Variants in SLK observed in about 807,000 individuals in gnomAD.
SLK encodes the protein STE20 like kinase, also known as STE20-like serine/threonine-protein kinase.
A neutral mutation model predicts 147.7 loss-of-function variants in SLK; 67 were observed. The ratio of observed to expected loss-of-function variants is 0.45; its 90% CI spans 0.37 to 0.56. The LOEUF (loss-of-function observed/expected upper bound fraction) is 0.56. Among genes scored for constraint, SLK ranks in the 20% least tolerant of loss-of-function variants. The pLI is 0.00. For missense variants in SLK, 1,136 were observed against 1,438.8 expected, an observed-to-expected ratio of 0.79 and a Z score of 3.41; for synonymous variants, 441 against 475.0, an observed-to-expected ratio of 0.93 and a Z score of 0.93.
intron 18 of SLK, among the ~76,000 whole-genome samples, chr10:104,023,694 A>T (rs7910387): frequency 0.023 from 3,529 of 152,224 alleles, 78 homozygotes; most frequent in South Asian, 0.11. Context: ...CCTATACTGA[A>T]CCCCAAACAT....
At chr10:104,006,125 G>C in intron 11 of SLK, 90 bp downstream of exon 11, 4 of 1,334,418 alleles carry the variant, frequency 3.0e-6, no homozygotes, top group Admixed American at 2.5e-5. Flanking sequence ...AAAGGTTGTA[G>C]AACTTGTTCT....
At chr10:103,969,938 T>G (rs1355515558) in intron 1 of SLK, among the ~76,000 whole-genome samples, 1 of 152,204 alleles carries the variant, frequency 6.6e-6, no homozygotes, top group Non-Finnish European at 1.5e-5. Context: ...GGTAGGTGAT[T>G]ATGGGCAGTT....
intron 1 of SLK, among the ~76,000 whole-genome samples, chr10:103,981,499 G>C (rs1843941603): frequency 6.6e-6 from 1 of 151,818 alleles, no homozygotes. Context: ...GTTTTTCTTT[G>C]GTCCATTTTG....
intron 1 of SLK, among the ~76,000 whole-genome samples, chr10:103,980,690 T>C (rs1296048215): frequency 1.3e-5 from 2 of 152,180 alleles, no homozygotes; most frequent in African/African-American, 2.4e-5. Flanking sequence ...CTGAATAATA[T>C]TTGTGGTATG....
chr10:103,992,602 T>C lies in SLK; in HGVS notation c.320T>C (p.Leu107Pro), dbSNP rs1442061362. 8.0e-7 allele frequency: 1 copy of C among 1,246,318 alleles called. No homozygotes were observed. 77.2% of individuals were successfully genotyped at this position (1,246,318 alleles called of 1,614,324 possible). ...TTTTTTTTTTTTTGCATGCAGATCC[T>C]CATTGAATTTTGTGCAGGTGGAGCA... ...AFYYENNLWILIEFCAGGAVD... is the reference protein window; with the variant it reads ...AFYYENNLWIPIEFCAGGAVD... Residue 107 changes from leucine (L) to proline (P), a missense_variant, in exon 3 of 19, where the codon CTC becomes CCC. Leu to Pro is a moderately conservative substitution (Grantham distance 98). Transcript: ENST00000369755.
chr10:103,968,154 A>G (rs1191228081), intron 1 of SLK, among the ~76,000 whole-genome samples: 1 of 152,220 alleles, frequency 6.6e-6, no homozygotes, highest in Non-Finnish European at 1.5e-5. Flanking sequence ...TCAAACTTCA[A>G]AGGAAATGAG....
At chr10:104,006,348 G>C (rs1381967330) in intron 11 of SLK, among the ~76,000 whole-genome samples, 1 of 152,166 alleles carries the variant, frequency 6.6e-6, no homozygotes, top group Non-Finnish European at 1.5e-5. Context: ...CTATTGCTGG[G>C]TAATTTTTCA....
chr10:103,979,356 C>T (rs1453960372), intron 1 of SLK, among the ~76,000 whole-genome samples: 1 of 152,104 alleles, frequency 6.6e-6, no homozygotes, highest in Non-Finnish European at 1.5e-5. Flanking sequence ...GTTTTATTTC[C>T]AGTTGGTATG....
intron 18 of SLK, among the ~76,000 whole-genome samples, chr10:104,023,742 C>T (rs1589549364): frequency 6.6e-6 from 1 of 152,128 alleles, no homozygotes; most frequent in Admixed American, 6.6e-5. Context: ...TTCTTTGTAA[C>T]AATTCATCAC....
At chr10:104,013,995 T>G (rs886309575) in intron 13 of SLK, among the ~76,000 whole-genome samples, 12 of 152,152 alleles carry the variant, frequency 7.9e-5, no homozygotes, top group African/African-American at 2.7e-4. Context: ...CATAAGAGAT[T>G]AACGGTAGAG....
At chr10:103,968,537 G>T (rs1455801167) in intron 1 of SLK, among the ~76,000 whole-genome samples, 2 of 152,138 alleles carry the variant, frequency 1.3e-5, no homozygotes, top group Admixed American at 6.5e-5. Context: ...AAACACACAC[G>T]CATGTATTTA....
chr10:103,974,103 G>A (rs929463234), intron 1 of SLK, among the ~76,000 whole-genome samples: 2 of 151,976 alleles, frequency 1.3e-5, no homozygotes, highest in Non-Finnish European at 2.9e-5. Context: ...GTTTTGCTGT[G>A]CTCTTGGTTG....
chr10:103,976,289 A>G (rs1008669414), intron 1 of SLK, among the ~76,000 whole-genome samples: 4 of 152,118 alleles, frequency 2.6e-5, no homozygotes, highest in Non-Finnish European at 5.9e-5. Flanking sequence ...TTTCTGTTGG[A>G]TATATACCGG....
chr10:104,009,489 T>C (rs1298414077), intron 12 of SLK, among the ~76,000 whole-genome samples: 1 of 152,148 alleles, frequency 6.6e-6, no homozygotes, highest in Non-Finnish European at 1.5e-5. Context: ...TGATTTTATT[T>C]GATGTGGCTT....
At position 104,029,026 on chromosome 10, in the gene SLK, G is replaced by C. The variant is rs1041807768; in HGVS notation, c.*3306G>C. On this transcript the variant is annotated 3_prime_UTR_variant, in exon 19 of 19. Coordinates refer to ENST00000369755, the MANE Select transcript of SLK (RefSeq NM_014720.4). Reference sequence around the variant, plus strand: ...TTTTTGATAAAGCTTTAACATTCCTGCTACTAATTTTGGCGGAGAGTGTTT... The same window carrying C: ...TTTTTGATAAAGCTTTAACATTCCTCCTACTAATTTTGGCGGAGAGTGTTT... The C allele has an allele frequency of 6.6e-6, 1 of 152,180 alleles. No homozygotes were observed. Among genetic ancestry groups the C allele is most frequent in the African/African-American group, 2.4e-5 (1 of 41,420 alleles). 9.4% of individuals were successfully genotyped at this position (152,180 alleles called of 1,614,324 possible). A position where few individuals can be genotyped will look rare whatever the true frequency, so the allele number is the denominator to read the frequency against.
chr10:103,992,609 A>G lies in SLK; in HGVS notation c.327A>G (p.Glu109=). 3.3e-6 allele frequency: 4 copies of G among 1,229,582 alleles called. No individual in the cohort carries two copies. The highest frequency in any genetic ancestry group is 4.2e-6 in the Non-Finnish European group (4 of 960,800). 76.2% of individuals were successfully genotyped at this position (1,229,582 alleles called of 1,614,324 possible). The stretch of plus-strand genomic sequence containing the variant: ...TTTTTTGCATGCAGATCCTCATTGA[A>G]TTTTGTGCAGGTGGAGCAGTAGATG... The part of the protein sequence containing the change: ...YYENNLWILI[E]FCAGGAVDAV... The change falls in exon 3 of 19, where the codon GAA becomes GAG. Residue 109 remains glutamate, a synonymous_variant. Transcript: ENST00000369755.
rs1359553441 is a variant in SLK at position 103,967,187 on chromosome 10, G to A, written c.-559G>A. 1 of 151,988 alleles carries A rather than the reference G, an allele frequency of 6.6e-6. No individual in the cohort carries two copies. Among genetic ancestry groups the A allele is most frequent in the Non-Finnish European group, 1.5e-5 (1 of 68,338 alleles). 9.4% of individuals were successfully genotyped at this position (151,988 alleles called of 1,614,324 possible). The stretch of plus-strand genomic sequence containing the variant: ...CCAGGCCGAGGCTGTGTGGGCTGGG[G>A]AGGGAGACAGGCGGCGGCGGCGGCG... On this transcript the variant is annotated 5_prime_UTR_variant, in exon 1 of 19. Coordinates refer to ENST00000369755, the MANE Select transcript of SLK (RefSeq NM_014720.4).
At chr10:103,977,464 A>AG (rs1315746843) in intron 1 of SLK, among the ~76,000 whole-genome samples, 1 of 152,140 alleles carries the variant, frequency 6.6e-6, no homozygotes, top group Non-Finnish European at 1.5e-5. Flanking sequence ...TAGTAAAAAA[A>AG]CTTAGCTGGG....
rs1199179749 is a variant in SLK at position 104,002,502 on chromosome 10, G to A, written c.1324G>A (p.Val442Met). Reference sequence around the variant, plus strand: ...GCCTGACACAGAAGACCAAGAAACTGTGGACATTAATTCAGTCAGTGAAGG... The same window carrying A: ...GCCTGACACAGAAGACCAAGAAACTATGGACATTAATTCAGTCAGTGAAGG... ...NLPDTEDQET[V>M]DINSVSEGKE... The change falls in exon 9 of 19, where the codon GTG becomes ATG. Residue 442 changes from valine to methionine, a missense_variant. Val to Met is a conservative substitution (Grantham distance 21, BLOSUM62 1). Coordinates refer to ENST00000369755, the MANE Select transcript of SLK (RefSeq NM_014720.4). 1 of 1,613,036 alleles carries A rather than the reference G, an allele frequency of 6.2e-7. No individual in the cohort carries two copies. Among genetic ancestry groups the A allele is most frequent in the Non-Finnish European group, 8.5e-7 (1 of 1,179,544 alleles).
Sources: gnomAD v4.1 joint callset for allele counts (sites outside exome capture counted in the v4.1 genomes callset) on GRCh38, gnomAD v4.1.1 for gene constraint, MANE v1.5 for transcripts, NCBI Gene and HGNC (gene_info 2026-07-23, HGNC 2026-07-21) for gene names.